Variants in KDR observed in about 807,000 individuals in gnomAD.
KDR encodes the protein kinase insert domain receptor, also known as vascular endothelial growth factor receptor 2.
In KDR, 43 loss-of-function variants were observed where a neutral mutation model predicts 160.9. The observed-to-expected ratio is 0.27, with a 90% CI of 0.21 to 0.34. The LOEUF (loss-of-function observed/expected upper bound fraction) is 0.34. Ranked by LOEUF, KDR falls within the 10% of genes least tolerant of loss-of-function variation. The pLI, the probability that KDR is intolerant of heterozygous loss-of-function variation, is 1.00. For missense variants in KDR, 1,469 were observed against 1,666.4 expected (o/e 0.88, Z 2.06); for synonymous variants, 617 against 600.1 (o/e 1.03, Z -0.41).
chr4:55,120,431 C>T (rs933470850), intron 2 of KDR, among the ~76,000 whole-genome samples: 3 of 152,072 alleles, frequency 2.0e-5, no homozygotes, highest in Non-Finnish European at 2.9e-5. Flanking sequence ...AATTTAAAGG[C>T]CTCTTCTTCT....
At chr4:55,110,932 A>T (rs1720566433) in intron 7 of KDR, among the ~76,000 whole-genome samples, 164 bp from the exon 8 acceptor site, 1 of 151,686 alleles carries the variant, frequency 6.6e-6, no homozygotes, top group Admixed American at 6.6e-5. Context: ...CTTCTCCCAC[A>T]CCTCCCGTGT....
chr4:55,080,220 T>C, intron 29 of KDR, 57 bp from the exon 30 acceptor site: 1 of 1,524,430 alleles, frequency 6.6e-7, no homozygotes, highest in Non-Finnish European at 9.1e-7. Flanking sequence ...TCTTTTGCTT[T>C]TTACCCTCAC....
At position 55,102,020 on chromosome 4, in the gene KDR, A is replaced by G. The variant is rs143798272; in HGVS notation, c.2143T>C (p.Leu715=). 230 of 1,613,598 alleles carry G rather than the reference A, an allele frequency of 1.4e-4. No individual in the cohort carries two copies. In the African/African-American group the frequency reaches 2.5e-3, roughly 18 times the overall value. Residue 715 remains leucine, a synonymous_variant, in exon 15 of 30, where the codon TTG becomes CTG. Transcript: ENST00000263923. Reference sequence around the variant, plus strand: ...GTGAGGTTCCGGTTCCCATCCTTCAATACAATGCCTAACAGAGGAAGAAAA... The same window carrying G: ...GTGAGGTTCCGGTTCCCATCCTTCAGTACAATGCCTAACAGAGGAAGAAAA... ...ETLVEDSGIV[L]KDGNRNLTIR... is the part of the protein sequence containing the mutation.
chr4:55,090,725 T>C (rs1393597376), intron 22 of KDR, among the ~76,000 whole-genome samples: 1 of 152,194 alleles, frequency 6.6e-6, no homozygotes, highest in African/African-American at 2.4e-5. Context: ...CAGTTTCTCC[T>C]TTCTCTGTAT....
intron 15 of KDR, among the ~76,000 whole-genome samples, chr4:55,099,297 G>T (rs563398119): frequency 1.3e-5 from 2 of 152,220 alleles, no homozygotes; most frequent in Admixed American, 1.3e-4. Context: ...AGGGATTACA[G>T]GCATAAGCCA....
At chr4:55,111,132 T>C (rs1290767831) in intron 7 of KDR, among the ~76,000 whole-genome samples, 1 of 152,194 alleles carries the variant, frequency 6.6e-6, no homozygotes, top group African/African-American at 2.4e-5. Context: ...TCTTCCACCA[T>C]GAGGCCCCAG....
At chr4:55,086,623 T>C (rs1719872420) in intron 27 of KDR, among the ~76,000 whole-genome samples, 1 of 152,224 alleles carries the variant, frequency 6.6e-6, no homozygotes, top group Non-Finnish European at 1.5e-5. Context: ...GCCTAATGCT[T>C]TTGACTTCAA....
chr4:55,124,378 G>A (rs573703388), intron 1 of KDR, among the ~76,000 whole-genome samples: 3 of 152,298 alleles, frequency 2.0e-5, no homozygotes, highest in Non-Finnish European at 2.9e-5. Context: ...CATGAAGAAC[G>A]TGTGTGTTCC....
At chr4:55,102,588 G>A in intron 13 of KDR, 80 bp from the exon 14 acceptor site, 1 of 1,492,104 alleles carries the variant, frequency 6.7e-7, no homozygotes, top group African/African-American at 1.4e-5. Context: ...CTTTTAAACA[G>A]TTTAAATTTA....
intron 27 of KDR, among the ~76,000 whole-genome samples, chr4:55,084,970 G>T (rs73136578): frequency 1.3e-5 from 2 of 152,176 alleles, no homozygotes; most frequent in Non-Finnish European, 2.9e-5. Context: ...CTAGCAGGCT[G>T]CCCCAAGCAT....
At chr4:55,087,526 T>G (rs1719892401) in intron 27 of KDR, 81 bp downstream of exon 27, 1 of 1,294,072 alleles carries the variant, frequency 7.7e-7, no homozygotes, top group Non-Finnish European at 1.1e-6. Context: ...TTAGACAAGG[T>G]CTTCCTTCCA....
rs535378171 is a variant in KDR, at chr4:55,084,718, A to C, written c.3663-2083T>G. On this transcript the variant is annotated intron_variant, in intron 27 of 29. Transcript: ENST00000263923. ...TTTTTGTTTTGTTTTACTCTACTCCATACAGACTCCCTTGGAAGAGTATCA... is the reference window on the plus strand; with the variant it reads ...TTTTTGTTTTGTTTTACTCTACTCCCTACAGACTCCCTTGGAAGAGTATCA... 3.9e-5 allele frequency among the ~76,000 whole-genome samples: 6 copies of C among 152,332 alleles called. No homozygotes were observed. The South Asian group carries it at 1.2e-3, about 32-fold the overall frequency.
Position 55,125,565 on chromosome 4 carries a change from T to G in KDR, c.-272A>C. The stretch of plus-strand genomic sequence containing the variant: ...CAGAGGAAACGCAGCGACCACACAT[T>G]GACCGCTCTCCCGGGGTCCCGGGAC... On this transcript the variant is annotated 5_prime_UTR_variant, in exon 1 of 30. Transcript: ENST00000263923. The G allele has an allele frequency of 1.7e-6, 1 of 579,976 alleles. No individual in the cohort carries two copies. 35.9% of individuals were successfully genotyped at this position (579,976 alleles called of 1,614,324 possible). A position where few individuals can be genotyped will look rare whatever the true frequency, so the allele number is the denominator to read the frequency against.
intron 21 of KDR, 37 bp from the exon 22 acceptor site, chr4:55,092,751 C>T (rs1002661356): frequency 6.5e-6 from 9 of 1,391,150 alleles, no homozygotes; most frequent in African/African-American, 2.8e-5. Flanking sequence ...ATCAGTATTT[C>T]CATGAGTTAG....
At position 55,080,148 on chromosome 4, in the gene KDR, G is replaced by T; in HGVS notation, c.3864C>A (p.Ser1288Arg). The T allele has an allele frequency of 6.2e-7, 1 of 1,613,284 alleles. No individual in the cohort carries two copies. Among genetic ancestry groups the T allele is most frequent in the East Asian group, 2.2e-5 (1 of 44,888 alleles). Residue 1288 changes from serine (S) to arginine (R), a missense_variant, in exon 30 of 30, where the codon AGC becomes AGA. By Grantham distance (110) the Ser-to-Arg change is moderately radical (BLOSUM62 -1). Transcript: ENST00000263923. Reference sequence around the variant, plus strand: ...CAGATGCCACAGACTCCCTGCTTTTGCTGGGCACCATTCCACTGCAGAAGA... The same window carrying T: ...CAGATGCCACAGACTCCCTGCTTTTTCTGGGCACCATTCCACTGCAGAAGA... ...LSPSFGGMVP[S>R]KSRESVASEG...
intron 15 of KDR, among the ~76,000 whole-genome samples, chr4:55,101,631 T>C (rs962633300): frequency 6.6e-6 from 1 of 152,188 alleles, no homozygotes. Context: ...CATTAGCTAT[T>C]TTTCCTGATG....
At chr4:55,122,184 GGCATAGATTCC>G (rs1470425431) in intron 1 of KDR, among the ~76,000 whole-genome samples, 1 of 152,094 alleles carries the variant, frequency 6.6e-6, no homozygotes, top group East Asian at 1.9e-4. Flanking sequence ...AAAGTACCAT[GGCATAGATTCC>G]TCACCATGGG....
rs746664609 is a variant in KDR, at chr4:55,101,876, AT to A, written c.2266+20del. ...GCATTCCATGGTGTATATGTACCACATTTTTTTTTATCCCACTGACCTTCTA... is the reference window on the plus strand; with the variant it reads ...GCATTCCATGGTGTATATGTACCACATTTTTTTTATCCCACTGACCTTCTA... On this transcript the variant is annotated intron_variant, in intron 15 of 29. Coordinates refer to ENST00000263923, the MANE Select transcript of KDR (RefSeq NM_002253.4). 277 of 1,547,976 alleles carry A rather than the reference AT, an allele frequency of 1.8e-4. No homozygotes were observed. The highest frequency in any genetic ancestry group is 2.3e-4 in the East Asian group (10 of 43,920).
chr4:55,099,127 C>T (rs894720264), intron 15 of KDR, among the ~76,000 whole-genome samples: 3 of 151,762 alleles, frequency 2.0e-5, no homozygotes, highest in African/African-American at 7.3e-5. Flanking sequence ...GCGATTCTCC[C>T]CCCTCAGCCT....
Sources: allele counts gnomAD v4.1 joint callset (sites outside exome capture counted in the v4.1 genomes callset), GRCh38; gene constraint gnomAD v4.1.1; transcripts MANE v1.5; gene names NCBI Gene and HGNC (gene_info 2026-07-23, HGNC 2026-07-21).